The following AFF3 variants were observed in gnomAD, a reference collection of about 807,000 sequenced individuals.
The protein encoded by AFF3 is AF4/FMR2 family member 3.
Under a neutral mutation model 129.7 loss-of-function variants are expected in AFF3, and 32 were observed. The observed-to-expected ratio is 0.25, with a 90% confidence interval of 0.19 to 0.33. The LOEUF (loss-of-function observed/expected upper bound fraction) is 0.33, where lower values mean the gene tolerates loss of function less well. Ranked by LOEUF, AFF3 falls within the 10% of genes least tolerant of loss-of-function variation. AFF3 has a pLI of 1.00. For missense variants in AFF3, 1,373 were observed against 1,592.0 expected (o/e 0.86, Z 2.34); for synonymous variants, 644 against 635.4 (o/e 1.01, Z -0.20).
intron 10 of AFF3, among the ~76,000 whole-genome samples, chr2:99,739,014 T>C (rs1262607307): frequency 4.9e-4 from 2 of 4,122 alleles, no homozygotes; most frequent in Admixed American, 4.9e-3. Flanking sequence ...AACTGTTCAA[T>C]TTTTTTTTTT....
At chr2:99,727,162 T>A in intron 10 of AFF3, 34 bp from the exon 11 acceptor site, 2 of 1,582,590 alleles carry the variant, frequency 1.3e-6, no homozygotes, top group Non-Finnish European at 1.7e-6. Context: ...TACCGACATA[T>A]GAGTCTTACA....
intron 8 of AFF3, among the ~76,000 whole-genome samples, chr2:99,825,730 C>T (rs757371227): frequency 2.6e-5 from 4 of 152,216 alleles, no homozygotes; most frequent in Non-Finnish European, 4.4e-5. Flanking sequence ...CACAAAAAGT[C>T]TGAGTTTTCT....
intron 2 of AFF3, among the ~76,000 whole-genome samples, chr2:100,127,523 C>T (rs1372205968): frequency 6.6e-6 from 1 of 152,210 alleles, no homozygotes; most frequent in East Asian, 1.9e-4. Flanking sequence ...GAGTCCCTGA[C>T]CTCCGGTCCT....
chr2:99,611,565 C>G (rs949770691), intron 13 of AFF3, among the ~76,000 whole-genome samples: 32 of 152,114 alleles, frequency 2.1e-4, no homozygotes, highest in Admixed American at 5.9e-4. Flanking sequence ...TTTTTTCCCC[C>G]CACGGTGTTT....
At chr2:99,626,999 G>C (rs1022936073) in intron 13 of AFF3, among the ~76,000 whole-genome samples, 2 of 152,150 alleles carry the variant, frequency 1.3e-5, no homozygotes, top group African/African-American at 4.8e-5. Context: ...GGGCATCTGG[G>C]TTGATTCCAT....
At chr2:99,785,098 C>A (rs75137211) in intron 8 of AFF3, among the ~76,000 whole-genome samples, 17 of 152,070 alleles carry the variant, frequency 1.1e-4, no homozygotes, top group Admixed American at 3.9e-4. Flanking sequence ...GCTTGTGTCC[C>A]GGTAGCCAGG....
At chr2:99,902,177 G>A (rs1694388835) in intron 7 of AFF3, among the ~76,000 whole-genome samples, 1 of 151,678 alleles carries the variant, frequency 6.6e-6, no homozygotes, top group African/African-American at 2.4e-5. Context: ...TAGGCTCATG[G>A]ACTTTAAAAC....
intron 13 of AFF3, among the ~76,000 whole-genome samples, chr2:99,628,910 C>T (rs776337681): frequency 4.6e-5 from 7 of 151,692 alleles, no homozygotes; most frequent in African/African-American, 7.3e-5. Flanking sequence ...TTAGTAGAGA[C>T]GGGGTTTCAC....
intron 7 of AFF3, among the ~76,000 whole-genome samples, chr2:99,987,649 G>T (rs2104559184): frequency 6.6e-6 from 1 of 152,258 alleles, no homozygotes; most frequent in East Asian, 1.9e-4. Context: ...GAAATTATAA[G>T]ATTTAAGATT....
intron 7 of AFF3, among the ~76,000 whole-genome samples, chr2:99,995,716 G>A (rs1034453238): frequency 6.6e-6 from 1 of 152,108 alleles, no homozygotes; most frequent in African/African-American, 2.4e-5. Flanking sequence ...TTTGGTAACA[G>A]TCTTTGTAAC....
chr2:99,781,509 T>C (rs1684405596), intron 8 of AFF3, among the ~76,000 whole-genome samples: 1 of 152,236 alleles, frequency 6.6e-6, no homozygotes, highest in Admixed American at 6.5e-5. Flanking sequence ...CCTGCCACAT[T>C]ATTTTAAACG....
chr2:100,083,318 A>G (rs1489296983), intron 4 of AFF3, among the ~76,000 whole-genome samples: 2 of 152,188 alleles, frequency 1.3e-5, no homozygotes, highest in Non-Finnish European at 2.9e-5. Context: ...CCATGAGGAA[A>G]TGACAGACAA....
chr2:99,692,524 G>C (rs1675775627), intron 11 of AFF3, among the ~76,000 whole-genome samples: 1 of 152,166 alleles, frequency 6.6e-6, no homozygotes, highest in South Asian at 2.1e-4. Context: ...GGAGGGGAGT[G>C]GGGAGGGAGC....
At chr2:99,934,789 C>T (rs532501147) in intron 7 of AFF3, among the ~76,000 whole-genome samples, 2 of 152,284 alleles carry the variant, frequency 1.3e-5, no homozygotes, top group East Asian at 3.9e-4. Flanking sequence ...GTGCACACGG[C>T]TCAGCTAGGT....
intron 11 of AFF3, among the ~76,000 whole-genome samples, chr2:99,684,066 T>C (rs1193458921): frequency 6.6e-6 from 1 of 152,222 alleles, no homozygotes; most frequent in African/African-American, 2.4e-5. Context: ...TCTATCGGCA[T>C]GGACTGTAGG....
At chr2:99,814,172 G>A (rs1360830666) in intron 8 of AFF3, among the ~76,000 whole-genome samples, 5 of 152,122 alleles carry the variant, frequency 3.3e-5, no homozygotes, top group Non-Finnish European at 5.9e-5. Context: ...AGTGGGTAAG[G>A]GGATGACAGA....
chr2:100,006,428 C>A, intron 7 of AFF3: 3 of 621,062 alleles, frequency 4.8e-6, no homozygotes, highest in Non-Finnish European at 5.1e-6. Flanking sequence ...TGCTGGAACT[C>A]TAAAAATTCA....
intron 11 of AFF3, among the ~76,000 whole-genome samples, chr2:99,678,233 A>T (rs1397602232): frequency 6.6e-6 from 1 of 152,184 alleles, no homozygotes; most frequent in Non-Finnish European, 1.5e-5. Flanking sequence ...ATTCAGTACA[A>T]CCTTTGCAAT....
At chr2:99,582,011 C>T (rs572655497) in intron 17 of AFF3, among the ~76,000 whole-genome samples, 3 of 152,054 alleles carry the variant, frequency 2.0e-5, no homozygotes, top group South Asian at 2.1e-4. Flanking sequence ...CCTGCCACCA[C>T]GCTAGGCTAA....
Sources: gnomAD v4.1 joint callset for allele counts (sites outside exome capture counted in the v4.1 genomes callset) on GRCh38, gnomAD v4.1.1 for gene constraint, MANE v1.5 for transcripts, NCBI Gene and HGNC (gene_info 2026-07-23, HGNC 2026-07-21) for gene names.